The following DIAPH2 variants were observed in gnomAD, a reference collection of about 807,000 sequenced individuals.
The protein encoded by DIAPH2 is protein diaphanous homolog 2.
DIAPH2 carries 35 observed loss-of-function variants against 92.7 expected under a neutral mutation model. That is an observed-to-expected ratio of 0.38 (90% CI 0.29 to 0.50). The LOEUF (loss-of-function observed/expected upper bound fraction) is 0.50. DIAPH2 is among the 20% of genes least tolerant of loss of function. The pLI, the probability that DIAPH2 is intolerant of heterozygous loss-of-function variation, is 0.94. For synonymous variants in DIAPH2, 301 were observed against 280.4 expected, an observed-to-expected ratio of 1.07 and a Z score of -0.73; for missense variants, 701 against 819.5, an observed-to-expected ratio of 0.86 and a Z score of 1.77.
intron 5 of DIAPH2, among the ~76,000 whole-genome samples, chrX:96,899,813 A>G (rs929905640): frequency 2.6e-4 from 29 of 110,275 alleles, no homozygotes; most frequent in Admixed American, 5.8e-4. Flanking sequence ...GCCAGTTTTC[A>G]AAGGGAATGC....
At chrX:96,808,199 CT>C (rs199547802) in intron 4 of DIAPH2, among the ~76,000 whole-genome samples, 6,431 of 109,030 alleles carry the variant, frequency 0.059, 203 homozygotes, top group Middle Eastern at 0.15. Context: ...CATAATAGTG[CT>C]GATTTAACAA....
intron 17 of DIAPH2, among the ~76,000 whole-genome samples, chrX:97,038,212 G>A (rs188155778): frequency 3.6e-5 from 4 of 111,038 alleles, no homozygotes; most frequent in Admixed American, 2.9e-4. Flanking sequence ...TGGCTGAGTC[G>A]TATTCCATAT....
At chrX:97,547,529 A>G (rs2071190594) in intron 26 of DIAPH2, among the ~76,000 whole-genome samples, 1 of 112,058 alleles carries the variant, frequency 8.9e-6, no homozygotes, top group Non-Finnish European at 1.9e-5. Flanking sequence ...TAAAAACCTA[A>G]CAAAAGATGT....
At chrX:96,906,658 A>T (rs1346906879) in intron 5 of DIAPH2, among the ~76,000 whole-genome samples, 1 of 112,439 alleles carries the variant, frequency 8.9e-6, no homozygotes, top group Non-Finnish European at 1.9e-5. Flanking sequence ...ATTAGAACCT[A>T]GATCTGTTTT....
At chrX:97,455,622 A>G (rs779524220) in intron 26 of DIAPH2, among the ~76,000 whole-genome samples, 1 of 112,672 alleles carries the variant, frequency 8.9e-6, no homozygotes, top group South Asian at 3.7e-4. Flanking sequence ...TGGTAGTATT[A>G]CAATTGAAGC....
chrX:96,879,678 G>T, intron 4 of DIAPH2, among the ~76,000 whole-genome samples: 1 of 110,702 alleles, frequency 9.0e-6, no homozygotes, highest in East Asian at 2.8e-4. Flanking sequence ...ATGATCTCTC[G>T]GTGATGGTTT....
chrX:96,933,504 A>G (rs1309268337), intron 10 of DIAPH2, among the ~76,000 whole-genome samples: 1 of 105,066 alleles, frequency 9.5e-6, no homozygotes, highest in Non-Finnish European at 1.9e-5. Flanking sequence ...ATTTTTGTGT[A>G]TATATATGTA....
intron 9 of DIAPH2, among the ~76,000 whole-genome samples, chrX:96,925,376 C>T (rs2065574049): frequency 9.0e-6 from 1 of 111,122 alleles, no homozygotes; most frequent in Admixed American, 9.6e-5. Context: ...TACTAGTCAT[C>T]TTAGAATCTA....
chrX:97,179,167 A>G (rs1232404812), intron 22 of DIAPH2, among the ~76,000 whole-genome samples: 3 of 110,246 alleles, frequency 2.7e-5, no homozygotes, highest in Non-Finnish European at 3.8e-5. Context: ...TAATGGGATT[A>G]CTAATGTGCA....
intron 9 of DIAPH2, among the ~76,000 whole-genome samples, chrX:96,926,502 T>C (rs2065582766): frequency 9.0e-6 from 1 of 111,412 alleles, no homozygotes; most frequent in Non-Finnish European, 1.9e-5. Flanking sequence ...TCACCCTTTA[T>C]ACCATACCAC....
At chrX:96,739,532 G>A (rs5949449) in intron 3 of DIAPH2, among the ~76,000 whole-genome samples, 23,977 of 110,709 alleles carry the variant, frequency 0.22, 1,969 homozygotes, top group East Asian at 0.33. Flanking sequence ...AAAGGTTAAG[G>A]ATCAGTGAAA....
intron 23 of DIAPH2, among the ~76,000 whole-genome samples, chrX:97,262,092 T>TAAA (rs35665297): frequency 0.015 from 865 of 59,175 alleles, no homozygotes; most frequent in Non-Finnish European, 0.021. Flanking sequence ...GATGAGAAAC[T>TAAA]AAAAAAAAAA....
intron 4 of DIAPH2, among the ~76,000 whole-genome samples, chrX:96,799,873 TAA>T (rs2064569301): frequency 9.1e-6 from 1 of 109,337 alleles, no homozygotes; most frequent in Admixed American, 9.8e-5. Flanking sequence ...TTATTATATA[TAA>T]GATTATATAT....
chrX:97,386,971 A>G (rs763723179), intron 25 of DIAPH2, among the ~76,000 whole-genome samples: 2 of 111,389 alleles, frequency 1.8e-5, no homozygotes, highest in Non-Finnish European at 3.8e-5. Context: ...GCTGAAAGCT[A>G]TGGGAAGCCC....
intron 26 of DIAPH2, among the ~76,000 whole-genome samples, chrX:97,442,977 G>A (rs1055328818): frequency 2.7e-5 from 3 of 111,468 alleles, no homozygotes; most frequent in Non-Finnish European, 3.8e-5. Context: ...TGACTCTCAT[G>A]GGCTCAAGGG....
chrX:96,781,334 G>C (rs1051828689), intron 4 of DIAPH2, among the ~76,000 whole-genome samples: 1 of 111,359 alleles, frequency 9.0e-6, no homozygotes, highest in African/African-American at 3.3e-5. Context: ...GCTGATGTTA[G>C]AGTTTGTATT....
chrX:96,757,643 C>T (rs751083323), intron 3 of DIAPH2, among the ~76,000 whole-genome samples: 269 of 111,869 alleles, frequency 2.4e-3, no homozygotes, highest in Non-Finnish European at 4.5e-3. Context: ...ACCGCAATAC[C>T]GCTGTTTCTG....
At chrX:96,838,310 C>A (rs762590210) in intron 4 of DIAPH2, among the ~76,000 whole-genome samples, 1 of 111,460 alleles carries the variant, frequency 9.0e-6, no homozygotes, top group Non-Finnish European at 1.9e-5. Context: ...TCAGCAGTGG[C>A]AGCAGAACTA....
At chrX:97,362,249 TAAA>T (rs369080664) in intron 24 of DIAPH2, among the ~76,000 whole-genome samples, 1 of 90,074 alleles carries the variant, frequency 1.1e-5, no homozygotes, top group Non-Finnish European at 2.2e-5. Flanking sequence ...TCAAGAAAAT[TAAA>T]AAAAAAAAAA....
Sources: gnomAD v4.1 joint callset for allele counts (sites outside exome capture counted in the v4.1 genomes callset) on GRCh38, gnomAD v4.1.1 for gene constraint, MANE v1.5 for transcripts, NCBI Gene and HGNC (gene_info 2026-07-23, HGNC 2026-07-21) for gene names.